The following TSFM variants were observed in gnomAD, a reference collection of about 807,000 sequenced individuals.
The protein encoded by TSFM is Ts translation elongation factor, mitochondrial.
Under a neutral mutation model 33.4 loss-of-function variants are expected in TSFM, and 29 were observed. The observed-to-expected ratio is 0.87, with a 90% CI of 0.65 to 1.18. The LOEUF (loss-of-function observed/expected upper bound fraction) is 1.18, where lower values mean the gene tolerates loss of function less well. Ranked by LOEUF, TSFM falls within the 50% of genes most tolerant of loss-of-function variation. TSFM has a pLI of 0.00. For missense variants in TSFM, 394 were observed against 395.6 expected (o/e 1.00, Z 0.04); for synonymous variants, 178 against 163.5 (o/e 1.09, Z -0.68).
At chr12:57,789,870 CTTA>C (rs1955639812) in intron 4 of TSFM, among the ~76,000 whole-genome samples, 1 of 152,038 alleles carries the variant, frequency 6.6e-6, no homozygotes, top group Admixed American at 6.6e-5. Context: ...TTGATATGCC[CTTA>C]TTATTTTCTG....
chr12:57,790,360 G>A (rs563949200), intron 4 of TSFM, among the ~76,000 whole-genome samples: 120 of 152,052 alleles, frequency 7.9e-4, no homozygotes, highest in African/African-American at 2.8e-3. Flanking sequence ...GAACCACTGC[G>A]CCTGGCCAGG....
At chr12:57,791,903 CA>C in intron 4 of TSFM, 1 of 345,616 alleles carries the variant, frequency 2.9e-6, no homozygotes, top group Non-Finnish European at 5.9e-6. Context: ...GCATTCCCAT[CA>C]AAAATGTGCA....
downstream of TSFM, chr12:57,800,480 T>C (rs1324881541): frequency 6.5e-6 from 1 of 153,062 alleles, no homozygotes; most frequent in Non-Finnish European, 1.5e-5. Flanking sequence ...CCTAAGTTTC[T>C]GTGGACTTCA....
chr12:57,783,957 C>T (rs1478314162), intron 2 of TSFM: 4 of 702,604 alleles, frequency 5.7e-6, no homozygotes, highest in African/African-American at 5.2e-5. Flanking sequence ...GTAGTTTTTG[C>T]CTGTACGGTC....
downstream of TSFM, chr12:57,797,949 C>T: frequency 6.2e-7 from 1 of 1,613,328 alleles, no homozygotes; most frequent in Non-Finnish European, 8.5e-7. Flanking sequence ...AAATTGCCCT[C>T]TTGTGATGCC....
chr12:57,799,840 G>A (rs182038642), downstream of TSFM: 48 of 1,614,138 alleles, frequency 3.0e-5, no homozygotes, highest in Admixed American at 7.5e-4. Context: ...CCTGATTCTG[G>A]TTTTTCAACA....
Position 57,787,104 on chromosome 12 carries a change from C to A in TSFM, c.425C>A (p.Ala142Asp). The change falls in exon 4 of 6, where the codon GCC becomes GAC. Residue 142 changes from alanine (A) to aspartate (D), a missense_variant. By Grantham distance (126) the Ala-to-Asp change is moderately radical (BLOSUM62 -2). Coordinates refer to ENST00000652027, the MANE Select transcript of TSFM (RefSeq NM_005726.6). ...TTTCAACTGTTGGTCCAGCAAGTAG[C>A]CCTTGGAACCATGATGCATTGTCAG... ...LKFQLLVQQV[A>D]LGTMMHCQTL... is the part of the protein sequence containing the mutation. 1 of 1,609,600 alleles carries A rather than the reference C, an allele frequency of 6.2e-7. No individual in the cohort carries two copies. The highest frequency in any genetic ancestry group is 8.5e-7 in the Non-Finnish European group (1 of 1,177,594).
At chr12:57,785,936 C>A (rs1955585174) in intron 2 of TSFM, among the ~76,000 whole-genome samples, 1 of 152,162 alleles carries the variant, frequency 6.6e-6, no homozygotes. Flanking sequence ...AAAGAAAATA[C>A]AACTGTGTGC....
intron 4 of TSFM, among the ~76,000 whole-genome samples, chr12:57,790,091 T>C (rs543973078): frequency 8.4e-6 from 1 of 119,144 alleles, no homozygotes; most frequent in East Asian, 2.4e-4. Context: ...TGAGACAGAG[T>C]GTTGCTGTGT....
At position 57,786,309 on chromosome 12, in the gene TSFM, C is replaced by T. The variant is rs1172984259; in HGVS notation, c.360+18C>T. The T allele has an allele frequency of 6.2e-7, 1 of 1,607,012 alleles. No individual in the cohort carries two copies. The highest frequency in any genetic ancestry group is 8.5e-7 in the Non-Finnish European group (1 of 1,176,096). Reference sequence around the variant, plus strand: ...TAGTAGAGGTGAGTTGTTGGAAATTCCAGATACCAAGAACAGCTGTCCCTT... The same window carrying T: ...TAGTAGAGGTGAGTTGTTGGAAATTTCAGATACCAAGAACAGCTGTCCCTT... On this transcript the variant is annotated intron_variant, in intron 3 of 5. Transcript: ENST00000652027.
At chr12:57,786,454 G>T (rs1009216724) in intron 3 of TSFM, among the ~76,000 whole-genome samples, 163 bp downstream of exon 3, 1 of 152,208 alleles carries the variant, frequency 6.6e-6, no homozygotes, top group East Asian at 1.9e-4. Context: ...TTACGAATTC[G>T]TTTAAGTATA....
At chr12:57,783,778 ATT>A in intron 2 of TSFM, 1 of 577,206 alleles carries the variant, frequency 1.7e-6, no homozygotes, top group Non-Finnish European at 3.0e-6. Context: ...TTTATTTTTT[ATT>A]TTTTTTTGTA....
Position 57,783,235 on chromosome 12 carries a change from T to A in TSFM, c.183T>A (p.Phe61Leu). Residue 61 changes from phenylalanine (F) to leucine (L), a missense_variant, in exon 2 of 6, where the codon TTT (phenylalanine) becomes TTA (leucine). Coordinates refer to ENST00000652027, the MANE Select transcript of TSFM (RefSeq NM_005726.6). ...TGCGGCGGAAAACAGGCTACTCCTT[T>A]GTAAATTGCAAGAAAGCTCTGGAGA... Reference protein sequence around the residue: ...MKLRRKTGYSFVNCKKALETC... With the variant: ...MKLRRKTGYSLVNCKKALETC... 6.2e-7 allele frequency: 1 copy of A among 1,613,896 alleles called. No homozygotes were observed. Among genetic ancestry groups the A allele is most frequent in the Non-Finnish European group, 8.5e-7 (1 of 1,179,898 alleles).
chr12:57,790,509 A>G (rs1955648575), intron 4 of TSFM, among the ~76,000 whole-genome samples: 1 of 152,196 alleles, frequency 6.6e-6, no homozygotes, highest in Non-Finnish European at 1.5e-5. Flanking sequence ...ACTCATATGT[A>G]CTAAGTGTTA....
At chr12:57,790,735 TTTA>T (rs1053553315) in intron 4 of TSFM, among the ~76,000 whole-genome samples, 1 of 152,092 alleles carries the variant, frequency 6.6e-6, no homozygotes, top group Non-Finnish European at 1.5e-5. Context: ...GTAGTCAGTA[TTTA>T]TTTTCACCCC....
chr12:57,783,803 A>G (rs1595135032), intron 2 of TSFM: 1 of 614,378 alleles, frequency 1.6e-6, no homozygotes, highest in Admixed American at 3.0e-5. Flanking sequence ...TTTAGTAGAG[A>G]TGGGGTTTCG....
chr12:57,783,661 T>C, intron 2 of TSFM: 1 of 585,900 alleles, frequency 1.7e-6, no homozygotes, highest in Non-Finnish European at 3.2e-6. Context: ...TGGCACGATG[T>C]TGGCTCACTG....
At position 57,787,515 on chromosome 12, in the gene TSFM, A is replaced by G. The variant is rs372698150; in HGVS notation, c.483+353A>G. Among the ~76,000 whole-genome samples, 8 of 152,330 alleles carry G rather than the reference A, an allele frequency of 5.3e-5. No individual in the cohort carries two copies. The East Asian group carries it at 1.3e-3, about 26-fold the overall frequency. On this transcript the variant is annotated intron_variant, in intron 4 of 5. Coordinates refer to ENST00000652027, the MANE Select transcript of TSFM (RefSeq NM_005726.6). ...TTGGAGCTCAGTAAATCTTTGTCAGATGAATGAATGAATGATTGAATGCAT... is the reference window on the plus strand; with the variant it reads ...TTGGAGCTCAGTAAATCTTTGTCAGGTGAATGAATGAATGATTGAATGCAT...
downstream of TSFM, chr12:57,801,168 A>C (rs141546672): frequency 1.6e-4 from 258 of 1,613,692 alleles, no homozygotes; most frequent in Non-Finnish European, 2.1e-4. Context: ...TGATAGCAGC[A>C]GCATCTCCCA....
Sources: allele counts gnomAD v4.1 joint callset (sites outside exome capture counted in the v4.1 genomes callset), GRCh38; gene constraint gnomAD v4.1.1; transcripts MANE v1.5; gene names NCBI Gene and HGNC (gene_info 2026-07-23, HGNC 2026-07-21).